UQCC6: variants seen among roughly 807,000 people sequenced by gnomAD.
UQCC6 encodes the protein ubiquinol-cytochrome c reductase complex assembly factor 6.
At chr12:103,957,003 T>G in the UQCC6 span, 1 of 490,626 alleles carries the variant, frequency 2.0e-6, no homozygotes, top group Non-Finnish European at 3.7e-6. Context: ...GCGTGCGGCA[T>G]TAAAGGGAGC....
chr12:103,951,904 A>G, the UQCC6 span, among the ~76,000 whole-genome samples: 1 of 152,218 alleles, frequency 6.6e-6, no homozygotes, highest in Non-Finnish European at 1.5e-5. Context: ...ACAGGTTCAC[A>G]GCTTTGAATA....
chr12:103,950,558 A>G, the UQCC6 span: 1 of 152,234 alleles, frequency 6.6e-6, no homozygotes, highest in Non-Finnish European at 1.5e-5. Context: ...GAAGCTGACC[A>G]TTGAAAGCTG....
At chr12:103,956,610 T>C in the UQCC6 span, 16 of 1,482,346 alleles carry the variant, frequency 1.1e-5, no homozygotes, top group East Asian at 4.9e-5. Flanking sequence ...AAAAATAAAA[T>C]AGTAGCCCTC....
At chr12:103,959,146 C>T in the UQCC6 span, among the ~76,000 whole-genome samples, 1 of 152,222 alleles carries the variant, frequency 6.6e-6, no homozygotes, top group Non-Finnish European at 1.5e-5. Context: ...AACTTTCTTA[C>T]TTCAGAACGC....
the UQCC6 span, among the ~76,000 whole-genome samples, chr12:103,952,982 T>A: frequency 1.3e-5 from 2 of 151,758 alleles, no homozygotes; most frequent in Non-Finnish European, 2.9e-5. Flanking sequence ...CACAGAGAGG[T>A]TAAGAGGAGA....
chr12:103,961,390 G>A, the UQCC6 span, among the ~76,000 whole-genome samples: 1 of 152,138 alleles, frequency 6.6e-6, no homozygotes, highest in Non-Finnish European at 1.5e-5. Flanking sequence ...GTGTAGCCTA[G>A]GTGTACAGTG....
chr12:103,965,685 A>G, the UQCC6 span: 1 of 294,028 alleles, frequency 3.4e-6, no homozygotes. Flanking sequence ...ACGTCGGCAG[A>G]GCGCTCCTAG....
chr12:103,955,696 A>G, the UQCC6 span: 3 of 444,560 alleles, frequency 6.7e-6, no homozygotes, highest in South Asian at 4.8e-5. Context: ...TGACTCTCTG[A>G]AAGTGTTACC....
the UQCC6 span, chr12:103,956,507 C>T: frequency 1.5e-6 from 1 of 664,162 alleles, no homozygotes; most frequent in Non-Finnish European, 2.6e-6. Flanking sequence ...TTTGCTGCCA[C>T]GAGGAGAATG....
the UQCC6 span, among the ~76,000 whole-genome samples, chr12:103,959,499 G>A: frequency 7.9e-5 from 12 of 152,038 alleles, no homozygotes; most frequent in African/African-American, 2.4e-5. Context: ...GATTGTCTGA[G>A]CTCAGGAGTT....
chr12:103,952,278 T>C, the UQCC6 span, among the ~76,000 whole-genome samples: 1 of 152,256 alleles, frequency 6.6e-6, no homozygotes, highest in Non-Finnish European at 1.5e-5. Flanking sequence ...TTTCTATAAA[T>C]GGAATCATAT....
chr12:103,951,539 T>A, the UQCC6 span: 2 of 1,533,256 alleles, frequency 1.3e-6, no homozygotes, highest in South Asian at 2.4e-5. Flanking sequence ...AAGTTCCTCC[T>A]GTTGAGAAAC....
the UQCC6 span, chr12:103,956,678 T>G: frequency 6.4e-7 from 1 of 1,551,688 alleles, no homozygotes; most frequent in South Asian, 1.2e-5. Context: ...CCTGCGCACA[T>G]GGCCAGGAGA....
At chr12:103,952,174 C>T in the UQCC6 span, among the ~76,000 whole-genome samples, 6 of 152,126 alleles carry the variant, frequency 3.9e-5, no homozygotes. Flanking sequence ...TACTTATTAG[C>T]AGTCACTTTC....
chr12:103,952,058 C>CA, the UQCC6 span, among the ~76,000 whole-genome samples: 416 of 152,126 alleles, frequency 2.7e-3, no homozygotes, highest in Admixed American at 4.8e-3. Flanking sequence ...AAGCAGTATG[C>CA]AAAAAAATAC....
chr12:103,964,192 GC>G, the UQCC6 span, among the ~76,000 whole-genome samples: 1 of 137,292 alleles, frequency 7.3e-6, no homozygotes, highest in Admixed American at 7.8e-5. Flanking sequence ...TCACTCTGTA[GC>G]CCAGGCTGGA....
chr12:103,953,666 A>G, the UQCC6 span: 2 of 674,978 alleles, frequency 3.0e-6, no homozygotes, highest in Non-Finnish European at 5.4e-6. Flanking sequence ...TGGGCCTTCA[A>G]GTTCCTACAG....
At chr12:103,960,163 T>C in the UQCC6 span, among the ~76,000 whole-genome samples, 1 of 152,056 alleles carries the variant, frequency 6.6e-6, no homozygotes, top group African/African-American at 2.4e-5. Flanking sequence ...CCTTGACTCC[T>C]GAGTTCAAGC....
chr12:103,951,196 T>G, the UQCC6 span: 5 of 180,812 alleles, frequency 2.8e-5, no homozygotes, highest in Admixed American at 3.1e-4. Flanking sequence ...TTAATGAAAC[T>G]AGTTCATAGT....
Sources: gnomAD v4.1 joint callset for allele counts (sites outside exome capture counted in the v4.1 genomes callset) on GRCh38, gnomAD v4.1.1 for gene constraint, MANE v1.5 for transcripts, NCBI Gene and HGNC (gene_info 2026-07-23, HGNC 2026-07-21) for gene names.